Variants in RUNX1 observed in about 807,000 individuals in gnomAD.
RUNX1 encodes the protein runt-related transcription factor 1.
In RUNX1, 19 loss-of-function variants were observed where a neutral mutation model predicts 42.8. The ratio of observed to expected loss-of-function variants is 0.44; its 90% confidence interval spans 0.31 to 0.65. The LOEUF (loss-of-function observed/expected upper bound fraction) is 0.65. RUNX1 is among the 30% of genes least tolerant of loss of function. The pLI is 0.07. For synonymous variants in RUNX1, 271 were observed against 289.4 expected (o/e 0.94, Z 0.64); for missense variants, 528 against 672.0 (o/e 0.79, Z 2.37).
Position 34,791,963 on chromosome 21 carries a change from G to A in RUNX1, c.*172C>T, listed in dbSNP as rs1401496203. 9.6e-6 allele frequency: 4 copies of A among 415,218 alleles called. No individual in the cohort carries two copies. The allele number at this position is 415,218 out of a possible 1,614,324, so 25.7% of individuals were successfully genotyped here. On this transcript the variant is annotated 3_prime_UTR_variant, in exon 9 of 9. Coordinates refer to ENST00000675419, the MANE Select transcript of RUNX1 (RefSeq NM_001754.5). ...CGGCGTGGGCTTCTGGGCGCAGGAG[G>A]CTGCGCGGGCCTGACCTACAGCGAG...
chr21:34,855,399 A>C (rs962385180), intron 6 of RUNX1, among the ~76,000 whole-genome samples: 1 of 152,156 alleles, frequency 6.6e-6, no homozygotes, highest in Non-Finnish European at 1.5e-5. Context: ...GAAATATAAA[A>C]CATACATTAA....
At chr21:35,032,664 G>A (rs985095619) in intron 2 of RUNX1, among the ~76,000 whole-genome samples, 3 of 152,204 alleles carry the variant, frequency 2.0e-5, no homozygotes, top group South Asian at 2.1e-4. Flanking sequence ...CACTTGTCCA[G>A]CTTCCCACAA....
At chr21:34,853,735 C>T (rs1344798937) in intron 6 of RUNX1, among the ~76,000 whole-genome samples, 3 of 151,936 alleles carry the variant, frequency 2.0e-5, no homozygotes, top group South Asian at 2.1e-4. Flanking sequence ...GTTACTCAAT[C>T]CTAAGAGCAA....
chr21:34,832,215 CG>C (rs1325590974), intron 7 of RUNX1, among the ~76,000 whole-genome samples: 4 of 152,148 alleles, frequency 2.6e-5, no homozygotes, highest in Non-Finnish European at 5.9e-5. Flanking sequence ...AAAGAGCTGA[CG>C]AATGCCCATC....
At chr21:34,899,058 C>T (rs1448710063) in intron 2 of RUNX1, among the ~76,000 whole-genome samples, 1 of 152,132 alleles carries the variant, frequency 6.6e-6, no homozygotes, top group Non-Finnish European at 1.5e-5. Context: ...GGATTACTGG[C>T]ACGTGCCACC....
intron 2 of RUNX1, among the ~76,000 whole-genome samples, chr21:35,003,750 C>T (rs946579804): frequency 3.5e-4 from 54 of 152,250 alleles, no homozygotes; most frequent in African/African-American, 1.3e-3. Context: ...AAGAGAAGCC[C>T]ACTGTCTCTC....
intron 5 of RUNX1, among the ~76,000 whole-genome samples, chr21:34,875,360 G>A (rs1354497006): frequency 6.6e-6 from 1 of 152,156 alleles, no homozygotes; most frequent in Non-Finnish European, 1.5e-5. Flanking sequence ...CCTGCCCGTC[G>A]AAAAGCAGCA....
chr21:34,911,005 G>A (rs1053885935), intron 2 of RUNX1, among the ~76,000 whole-genome samples: 4 of 152,116 alleles, frequency 2.6e-5, no homozygotes, highest in Non-Finnish European at 5.9e-5. Context: ...CTGGCTTCAA[G>A]GTGATCCTCC....
At chr21:34,999,436 TA>T (rs1358255653) in intron 2 of RUNX1, among the ~76,000 whole-genome samples, 5 of 152,166 alleles carry the variant, frequency 3.3e-5, no homozygotes, top group East Asian at 1.9e-4. Flanking sequence ...GTGAGTGAGT[TA>T]GGGGCTGACC....
At chr21:34,963,440 G>A (rs148602028) in intron 2 of RUNX1, among the ~76,000 whole-genome samples, 4 of 152,272 alleles carry the variant, frequency 2.6e-5, no homozygotes, top group Non-Finnish European at 5.9e-5. Context: ...GTCGTCTCTC[G>A]TCCTAGTTTG....
intron 2 of RUNX1, among the ~76,000 whole-genome samples, chr21:34,915,989 T>A (rs2058309182): frequency 6.6e-6 from 1 of 152,190 alleles, no homozygotes; most frequent in Non-Finnish European, 1.5e-5. Flanking sequence ...CAGTAATCCA[T>A]ATTCTGAAAG....
chr21:34,932,377 G>C (rs371516554), intron 2 of RUNX1, among the ~76,000 whole-genome samples: 1 of 152,110 alleles, frequency 6.6e-6, no homozygotes, highest in African/African-American at 2.4e-5. Context: ...CCTCTGTAGA[G>C]ATGTCCCCAG....
At chr21:34,850,013 T>G (rs1024021798) in intron 6 of RUNX1, among the ~76,000 whole-genome samples, 1 of 149,574 alleles carries the variant, frequency 6.7e-6, no homozygotes, top group Non-Finnish European at 1.5e-5. Flanking sequence ...CCTAGTTACA[T>G]GGCTTACAGG....
chr21:34,853,916 G>A (rs972625075), intron 6 of RUNX1, among the ~76,000 whole-genome samples: 12 of 150,958 alleles, frequency 7.9e-5, no homozygotes, highest in Admixed American at 4.6e-4. Flanking sequence ...GGGTTCAACC[G>A]ATTCTCCTGC....
chr21:35,012,266 T>C (rs889954248), intron 2 of RUNX1, among the ~76,000 whole-genome samples: 3 of 152,178 alleles, frequency 2.0e-5, no homozygotes, highest in African/African-American at 2.4e-5. Flanking sequence ...TTCCTGTTTA[T>C]CAGGCCCAGC....
chr21:34,894,876 T>C (rs1021731661), intron 2 of RUNX1, among the ~76,000 whole-genome samples: 3 of 119,506 alleles, frequency 2.5e-5, no homozygotes, highest in African/African-American at 9.2e-5. Context: ...TTGACCTACA[T>C]AGAAACACAC....
chr21:34,944,610 G>A (rs1203755451), intron 2 of RUNX1, among the ~76,000 whole-genome samples: 22 of 152,186 alleles, frequency 1.4e-4, no homozygotes, highest in Admixed American at 1.2e-3. Context: ...CAGTTCAAAT[G>A]AAATCTATGG....
intron 2 of RUNX1, among the ~76,000 whole-genome samples, chr21:34,903,295 T>C (rs1056621112): frequency 6.6e-6 from 1 of 152,188 alleles, no homozygotes; most frequent in African/African-American, 2.4e-5. Context: ...CTATGTATAT[T>C]ACAAAATAAT....
chr21:34,915,702 G>T (rs1215967572), intron 2 of RUNX1, among the ~76,000 whole-genome samples: 1 of 152,172 alleles, frequency 6.6e-6, no homozygotes, highest in African/African-American at 2.4e-5. Flanking sequence ...AGGAATAAGT[G>T]CAAGAGATCA....
Sources: gnomAD v4.1 joint callset for allele counts (sites outside exome capture counted in the v4.1 genomes callset) on GRCh38, gnomAD v4.1.1 for gene constraint, MANE v1.5 for transcripts, NCBI Gene and HGNC (gene_info 2026-07-23, HGNC 2026-07-21) for gene names.